The following EVC2 variants were observed in gnomAD, a reference collection of about 807,000 sequenced individuals.
EVC2 encodes EvC ciliary complex subunit 2, also known as limbin.
EVC2 carries 148 observed loss-of-function variants against 149.3 expected under a neutral mutation model. The ratio of observed to expected loss-of-function variants is 0.99; its 90% CI spans 0.87 to 1.14. The LOEUF (loss-of-function observed/expected upper bound fraction) is 1.14, where lower values mean the gene tolerates loss of function less well. Ranked by LOEUF, EVC2 falls within the 50% of genes most tolerant of loss-of-function variation. The pLI, the probability that EVC2 is intolerant of heterozygous loss-of-function variation, is 0.00. For missense variants in EVC2, 1,854 were observed against 1,627.3 expected, an observed-to-expected ratio of 1.14 and a Z score of -2.40; for synonymous variants, 776 against 649.9, an observed-to-expected ratio of 1.19 and a Z score of -2.95.
intron 14 of EVC2, among the ~76,000 whole-genome samples, chr4:5,619,208 A>T (rs1163425103): frequency 3.3e-5 from 5 of 152,182 alleles, no homozygotes; most frequent in Admixed American, 2.6e-4. Flanking sequence ...TTATGGGTTG[A>T]ATTGTGGCTC....
rs750392808 is a variant in EVC2, at chr4:5,584,721, C to T, written c.2959G>A (p.Ala987Thr). ...RVTETLSAYT[A>T]LLSIQDLLLE... The stretch of plus-strand genomic sequence containing the variant: ...AGCAAGTCCTGGATGCTGAGGAGGG[C>T]GGTGTAGGCCGACAGAGTCTCGGTC... Residue 987 changes from alanine (A) to threonine (T), a missense_variant, in exon 17 of 22, where the codon GCC (alanine) becomes ACC (threonine). Ala to Thr is a moderately conservative substitution (Grantham distance 58). Coordinates refer to ENST00000344408, the MANE Select transcript of EVC2 (RefSeq NM_147127.5). 1.1e-5 allele frequency: 18 copies of T among 1,613,728 alleles called. No individual in the cohort carries two copies. Among genetic ancestry groups the T allele is most frequent in the Admixed American group, 8.3e-5 (5 of 60,000 alleles).
chr4:5,586,588 A>C (rs1163749002), intron 16 of EVC2, among the ~76,000 whole-genome samples: 1 of 152,128 alleles, frequency 6.6e-6, no homozygotes, highest in African/African-American at 2.4e-5. Flanking sequence ...TTTACAATCG[A>C]TTCTCTCTGA....
At position 5,562,523 on chromosome 4, in the gene EVC2, T is replaced by C. The variant is rs1722017517; in HGVS notation, c.*325A>G. ...ATACAAAACATAAGAGTAGAGAATC[T>C]GGCTGTCACCACACAGACCATAGCT... is the stretch of plus-strand genomic sequence containing the variant. On this transcript the variant is annotated 3_prime_UTR_variant, in exon 22 of 22. Transcript: ENST00000344408. This position sits in a 1 kb window ranked among gnomAD's most constrained non-coding sequence, Gnocchi z 4.3. 3 of 1,204,732 alleles carry C rather than the reference T, an allele frequency of 2.5e-6. No homozygotes were observed. The Admixed American group carries it at 1.2e-4, about 49-fold the overall frequency. The allele number at this position is 1,204,732 out of a possible 1,614,324, so 74.6% of individuals were successfully genotyped here. A position where few individuals can be genotyped will look rare whatever the true frequency, so the allele number is the denominator to read the frequency against.
At position 5,640,463 on chromosome 4, in the gene EVC2, A is replaced by C; in HGVS notation, c.1470+51T>G. On this transcript the variant is annotated intron_variant, in intron 10 of 21. Transcript: ENST00000344408. This position sits in a 1 kb window ranked among gnomAD's most constrained non-coding sequence, Gnocchi z 4.6. ...ATGAGTGGGTAGATGGATAAATGAC[A>C]AATCCCTGAGAGAAAGGGAAGTGAA... 6.2e-7 allele frequency: 1 copy of C among 1,610,122 alleles called. No homozygotes were observed. The highest frequency in any genetic ancestry group is 1.1e-5 in the South Asian group (1 of 91,008).
chr4:5,643,332 TA>T (rs1456071251), intron 9 of EVC2, among the ~76,000 whole-genome samples: 1 of 152,194 alleles, frequency 6.6e-6, no homozygotes, highest in African/African-American at 2.4e-5. Context: ...GATAATTCTA[TA>T]AAAATAGACC....
chr4:5,635,465 T>A (rs1716833118), intron 10 of EVC2, among the ~76,000 whole-genome samples: 1 of 135,028 alleles, frequency 7.4e-6, no homozygotes, highest in Non-Finnish European at 1.5e-5. Context: ...AAGTGTCCCC[T>A]GGAGGGAGTG....
chr4:5,691,663 A>G (rs1449502050), intron 3 of EVC2, among the ~76,000 whole-genome samples: 2 of 152,264 alleles, frequency 1.3e-5, no homozygotes, highest in East Asian at 3.9e-4. Context: ...ATCATTTAAC[A>G]TGTACCGTGT....
intron 9 of EVC2, among the ~76,000 whole-genome samples, chr4:5,662,039 C>T (rs1449623118): frequency 6.6e-6 from 1 of 152,188 alleles, no homozygotes; most frequent in Non-Finnish European, 1.5e-5. Flanking sequence ...CAGTTCAGTA[C>T]ACACTCACAT....
intron 7 of EVC2, among the ~76,000 whole-genome samples, chr4:5,676,743 C>A (rs1720020574): frequency 6.6e-6 from 1 of 152,212 alleles, no homozygotes; most frequent in Non-Finnish European, 1.5e-5. Flanking sequence ...GTCCACCCAG[C>A]CCATGGAGTT....
intron 21 of EVC2, among the ~76,000 whole-genome samples, chr4:5,544,615 A>G (rs1721578841): frequency 6.6e-6 from 1 of 152,216 alleles, no homozygotes; most frequent in Non-Finnish European, 1.5e-5. Context: ...ATTCAAAAAA[A>G]ATGAAACAGC....
At position 5,654,107 on chromosome 4, in the gene EVC2, A is replaced by G. The variant is rs577651853; in HGVS notation, c.1145+9000T>C. Reference sequence around the variant, plus strand: ...CGGGCGCCTGTAATCCCAGCTACTCAGGAGGCTGAGGCAGGAGAATCACTT... The same window carrying G: ...CGGGCGCCTGTAATCCCAGCTACTCGGGAGGCTGAGGCAGGAGAATCACTT... On this transcript the variant is annotated intron_variant, in intron 9 of 21. Transcript: ENST00000344408. 2.5e-4 allele frequency among the ~76,000 whole-genome samples: 38 copies of G among 152,254 alleles called. No homozygotes were observed. In the East Asian group the frequency reaches 7.0e-3, roughly 28 times the overall value.
intron 3 of EVC2, among the ~76,000 whole-genome samples, chr4:5,694,051 C>T (rs970868579): frequency 7.9e-5 from 12 of 152,184 alleles, no homozygotes; most frequent in East Asian, 5.8e-4. Flanking sequence ...GGCAGTCACT[C>T]GGTCTGGTTA....
intron 11 of EVC2, among the ~76,000 whole-genome samples, chr4:5,630,995 T>G (rs558848291): frequency 1.4e-4 from 22 of 152,332 alleles, no homozygotes; most frequent in Admixed American, 6.5e-4. Context: ...TGTGTGCCTG[T>G]GTGTGCATGC....
intron 1 of EVC2, among the ~76,000 whole-genome samples, chr4:5,706,435 T>TAGATAGATAG: frequency 1.1e-5 from 1 of 94,886 alleles, no homozygotes; most frequent in African/African-American, 3.3e-5. Context: ...GATACATAGA[T>TAGATAGATAG]AGATAGATAG....
chr4:5,598,132 G>C lies in EVC2; in HGVS notation c.2830-13282C>G, dbSNP rs983461592. ...TAGGAAGAATCAATATCATGAAAAT[G>C]GCCATACTGCCCAAGGTAATTTATA... On this transcript the variant is annotated intron_variant, in intron 16 of 21. Transcript: ENST00000344408. Among the ~76,000 whole-genome samples, 3 of 151,204 alleles carry C rather than the reference G, an allele frequency of 2.0e-5. No individual in the cohort carries two copies. In the South Asian group the frequency reaches 6.3e-4, roughly 32 times the overall value.
chr4:5,708,592 C>T (rs998147102), upstream of EVC2: 32 of 1,085,046 alleles, frequency 2.9e-5, no homozygotes, highest in Admixed American at 1.2e-3. Flanking sequence ...CCCGCCCCGC[C>T]GCCGAGCATG....
At chr4:5,590,759 G>A (rs996544010) in intron 16 of EVC2, among the ~76,000 whole-genome samples, 6 of 152,082 alleles carry the variant, frequency 3.9e-5, no homozygotes, top group African/African-American at 1.2e-4. Flanking sequence ...TTGTACATGA[G>A]ACCTGTATTA....
Position 5,584,801 on chromosome 4 carries a change from T to G in EVC2, c.2879A>C (p.Glu960Ala), listed in dbSNP as rs544432468. 2.1e-5 allele frequency: 34 copies of G among 1,614,086 alleles called. 2 individuals are homozygous for G. The South Asian group carries it at 3.0e-4, about 14-fold the overall frequency. ...RERVQRMEAQ[E>A]GGFAQSLVAL... ...AACAAGCGACTGTGCAAAGCCTCCCTCCTGTGCCTCCATCCGCTGCACTCT... is the reference window on the plus strand; with the variant it reads ...AACAAGCGACTGTGCAAAGCCTCCCGCCTGTGCCTCCATCCGCTGCACTCT... The change falls in exon 17 of 22, where the codon GAG (glutamate) becomes GCG (alanine). Residue 960 changes from glutamate to alanine, a missense_variant. Transcript: ENST00000344408.
chr4:5,593,607 G>C (rs1424025809), intron 16 of EVC2, among the ~76,000 whole-genome samples: 1 of 152,180 alleles, frequency 6.6e-6, no homozygotes, highest in Non-Finnish European at 1.5e-5. Context: ...GGCCGAATAG[G>C]AACAGCTCCG....
Sources: gnomAD v4.1 joint callset for allele counts (sites outside exome capture counted in the v4.1 genomes callset) on GRCh38, gnomAD v4.1.1 for gene constraint, Gnocchi (gnomAD v3.1) non-coding constraint, MANE v1.5 for transcripts, NCBI Gene and HGNC (gene_info 2026-07-23, HGNC 2026-07-21) for gene names.